The following U2SURP variants were observed in gnomAD, a reference collection of about 807,000 sequenced individuals.
U2SURP encodes U2 snRNP-associated SURP motif-containing protein.
In U2SURP, 9 loss-of-function variants were observed where a neutral mutation model predicts 144.9. That is an observed-to-expected ratio of 0.06 (90% CI 0.04 to 0.11). U2SURP has a LOEUF of 0.11. Among genes scored for constraint, U2SURP ranks in the 10% least tolerant of loss-of-function variants. The probability of loss-of-function intolerance (pLI) is 1.00; values close to 1 mark genes in which losing one functional copy is unlikely to be tolerated. For synonymous variants in U2SURP, 408 were observed against 396.8 expected, an observed-to-expected ratio of 1.03 and a Z score of -0.33; for missense variants, 724 against 1,226.7, an observed-to-expected ratio of 0.59 and a Z score of 6.12.
intron 8 of U2SURP, 56 bp downstream of exon 8, chr3:143,020,749 C>A: frequency 7.4e-7 from 1 of 1,351,860 alleles, no homozygotes; most frequent in Non-Finnish European, 1.0e-6. Flanking sequence ...TAGTTCCCAC[C>A]TTATCCGTGG....
chr3:143,043,910 C>T (rs1015843552), intron 24 of U2SURP, among the ~76,000 whole-genome samples: 22 of 151,572 alleles, frequency 1.5e-4, no homozygotes, highest in African/African-American at 2.9e-4. Context: ...CCACCATGCC[C>T]GGCTCATTTT....
At chr3:143,050,401 A>G (rs1044446663) in intron 24 of U2SURP, among the ~76,000 whole-genome samples, 3 of 152,026 alleles carry the variant, frequency 2.0e-5, no homozygotes, top group Admixed American at 1.3e-4. Context: ...ATTTGCTCTT[A>G]CTGTCTCATA....
chr3:143,004,851 T>C (rs558035672), intron 1 of U2SURP, among the ~76,000 whole-genome samples: 1 of 152,248 alleles, frequency 6.6e-6, no homozygotes, highest in East Asian at 1.9e-4. Context: ...TTATCACTAG[T>C]CTAAAATATT....
intron 23 of U2SURP, 84 bp downstream of exon 23, chr3:143,039,044 A>C (rs1933959520): frequency 1.9e-6 from 2 of 1,029,672 alleles, no homozygotes; most frequent in Non-Finnish European, 2.6e-6. Context: ...AATAATAGTG[A>C]AGTGGAAAAC....
At chr3:143,012,861 T>C (rs550937990) in intron 3 of U2SURP, among the ~76,000 whole-genome samples, 4 of 152,256 alleles carry the variant, frequency 2.6e-5, no homozygotes, top group Admixed American at 2.0e-4. Context: ...CTTTTAGACT[T>C]TTATTCTATG....
chr3:143,036,204 G>T, intron 20 of U2SURP, 100 bp downstream of exon 20: 2 of 1,289,590 alleles, frequency 1.6e-6, no homozygotes, highest in Non-Finnish European at 2.0e-6. Context: ...ACATTTCTTT[G>T]TGAAAAATAT....
intron 26 of U2SURP, 73 bp from the exon 27 acceptor site, chr3:143,054,870 T>C (rs1935063587): frequency 1.4e-6 from 2 of 1,424,280 alleles, no homozygotes; most frequent in South Asian, 1.5e-5. Flanking sequence ...AATTAATAGC[T>C]AATTTAGTAA....
intron 24 of U2SURP, among the ~76,000 whole-genome samples, chr3:143,050,118 G>A (rs543105996): frequency 5.3e-5 from 8 of 151,994 alleles, no homozygotes; most frequent in Admixed American, 2.6e-4. Flanking sequence ...TGTTTCCCAG[G>A]CATGGAGTAC....
At chr3:143,001,975 C>G (rs745332799) in intron 1 of U2SURP, among the ~76,000 whole-genome samples, 1 of 152,250 alleles carries the variant, frequency 6.6e-6, no homozygotes, top group African/African-American at 2.4e-5. Context: ...TGAAAACGCT[C>G]TCCTGTATCT....
At chr3:143,026,978 C>G (rs1339303098) in intron 13 of U2SURP, 171 bp from the exon 14 acceptor site, 3 of 547,816 alleles carry the variant, frequency 5.5e-6, no homozygotes, top group Non-Finnish European at 9.8e-6. Context: ...GCCCCACACC[C>G]TCTTAATGCA....
Position 143,028,376 on chromosome 3 carries a change from C to T in U2SURP, c.1416C>T (p.Tyr472=). The T allele has an allele frequency of 6.2e-7, 1 of 1,613,010 alleles. No homozygotes were observed. Among genetic ancestry groups the T allele is most frequent in the Non-Finnish European group, 8.5e-7 (1 of 1,179,428 alleles). ...LFENQTPAHV[Y]YRWKLYSILQ... ...AAAACCAGACACCAGCCCATGTTTA[C>T]TATAGGTGGAAGCTTTATTCTATTC... Residue 472 remains tyrosine (Y), a synonymous_variant, in exon 15 of 28, where the codon TAC becomes TAT. Transcript: ENST00000473835.
In U2SURP at chr3:143,054,923, T is replaced by C; in HGVS notation, c.2775-20T>C. The C allele has an allele frequency of 6.4e-7, 1 of 1,565,146 alleles. No individual in the cohort carries two copies. Among genetic ancestry groups the C allele is most frequent in the Non-Finnish European group, 8.6e-7 (1 of 1,163,200 alleles). On this transcript the variant is annotated intron_variant, in intron 26 of 27. Transcript: ENST00000473835. ...ATCCTTTGCTCATTTATGGAATGTT[T>C]TGGGGGCTTTGTTCCATAGGAAGAG...
In U2SURP at chr3:143,053,814, TA is replaced by T. The variant is rs1387068310; in HGVS notation, c.2774+22del. The T allele has an allele frequency of 5.2e-6, 8 of 1,552,952 alleles. No individual in the cohort carries two copies. The highest frequency in any genetic ancestry group is 6.9e-6 in the Non-Finnish European group (8 of 1,151,684). On this transcript the variant is annotated intron_variant, in intron 26 of 27. Transcript: ENST00000473835. The stretch of plus-strand genomic sequence containing the variant: ...GGAAAGGTATAACATTTCTCATATT[TA>T]ATTGCATATACTGGTTTCAAGATTT...
At chr3:143,004,344 A>G (rs1475596491) in intron 1 of U2SURP, among the ~76,000 whole-genome samples, 21 of 136,672 alleles carry the variant, frequency 1.5e-4, no homozygotes, top group Admixed American at 3.8e-4. Flanking sequence ...CAGGTCTTCT[A>G]GTTGGGGTGT....
chr3:143,055,771 G>C (rs1437636206), intron 27 of U2SURP, among the ~76,000 whole-genome samples: 2 of 152,034 alleles, frequency 1.3e-5, no homozygotes, highest in Admixed American at 1.3e-4. Context: ...TGTTATATAT[G>C]TATGTATATG....
chr3:143,022,225 AAG>A (rs1936673433), intron 10 of U2SURP, among the ~76,000 whole-genome samples: 1 of 152,180 alleles, frequency 6.6e-6, no homozygotes, highest in South Asian at 2.1e-4. Flanking sequence ...CCTTAAAACA[AAG>A]GAAGATAGAG....
chr3:143,027,503 T>C (rs528115411), intron 14 of U2SURP, among the ~76,000 whole-genome samples: 1 of 152,184 alleles, frequency 6.6e-6, no homozygotes, highest in Non-Finnish European at 1.5e-5. Flanking sequence ...GTAATTTCAT[T>C]ACTCAGGGTA....
At chr3:143,002,433 G>A (rs1254603733) in intron 1 of U2SURP, 2 of 152,248 alleles carry the variant, frequency 1.3e-5, no homozygotes, top group African/African-American at 4.8e-5. Flanking sequence ...TGAAACCAGT[G>A]AGCTGTGGTA....
intron 1 of U2SURP, among the ~76,000 whole-genome samples, chr3:143,005,073 C>G (rs1286240031): frequency 6.6e-6 from 1 of 151,250 alleles, no homozygotes; most frequent in East Asian, 1.9e-4. Flanking sequence ...CTTCTGCCAT[C>G]TCCTGTGCTG....
Sources: allele counts gnomAD v4.1 joint callset (sites outside exome capture counted in the v4.1 genomes callset), GRCh38; gene constraint gnomAD v4.1.1; transcripts MANE v1.5; gene names NCBI Gene and HGNC (gene_info 2026-07-23, HGNC 2026-07-21).